Variants in THADA observed in about 807,000 individuals in gnomAD.
The protein encoded by THADA is tRNA (32-2'-O)-methyltransferase regulator THADA.
A neutral mutation model predicts 219.8 loss-of-function variants in THADA; 213 were observed. The observed-to-expected ratio is 0.97, with a 90% CI of 0.87 to 1.09. The LOEUF is 1.09. THADA is among the 50% of genes least tolerant of loss of function. The probability of loss-of-function intolerance (pLI) is 0.00; values close to 1 mark genes in which losing one functional copy is unlikely to be tolerated. For synonymous variants in THADA, 1,018 were observed against 828.9 expected (o/e 1.23, Z -3.92); for missense variants, 2,956 against 2,311.3 (o/e 1.28, Z -5.72).
chr2:43,295,475 C>G (rs1033519445), intron 31 of THADA, among the ~76,000 whole-genome samples: 4 of 152,212 alleles, frequency 2.6e-5, no homozygotes, highest in Admixed American at 1.3e-4. Flanking sequence ...GAACTTATGA[C>G]AGACTTCACC....
At chr2:43,561,877 G>A (rs542648806) in intron 15 of THADA, among the ~76,000 whole-genome samples, 1 of 152,296 alleles carries the variant, frequency 6.6e-6, no homozygotes, top group African/African-American at 2.4e-5. Context: ...GATGTTACCT[G>A]TGGTTGTGTT....
At chr2:43,550,703 T>C (rs1696646677) in intron 19 of THADA, among the ~76,000 whole-genome samples, 1 of 152,184 alleles carries the variant, frequency 6.6e-6, no homozygotes. Flanking sequence ...CTACCCACAG[T>C]AGGTAACAGA....
chr2:43,389,441 G>A (rs775937836), intron 29 of THADA, among the ~76,000 whole-genome samples: 8 of 152,172 alleles, frequency 5.3e-5, no homozygotes, highest in African/African-American at 1.4e-4. Context: ...GCACCATAGC[G>A]ATACCCTAGT....
chr2:43,592,351 C>T lies in THADA; in HGVS notation c.42G>A (p.Leu14=), dbSNP rs1481352222. The T allele has an allele frequency of 1.2e-6, 2 of 1,608,596 alleles. No homozygotes were observed. The highest frequency in any genetic ancestry group is 1.3e-5 in the African/African-American group (1 of 74,860). ...KKKKEMQVAA[L]TICHQDLETL... ...TTTCAAGGTCCTGATGGCAAATGGT[C>T]AGCGCAGCAACTTGCATTTCTTTCT... is the stretch of plus-strand genomic sequence containing the variant. Residue 14 remains leucine (L), a synonymous_variant, in exon 2 of 38, where the codon CTG becomes CTA. Coordinates refer to ENST00000405975, the MANE Select transcript of THADA (RefSeq NM_022065.5).
rs199689117 is a variant in THADA, at chr2:43,293,136, C to A, written c.4516G>T (p.Ala1506Ser). The A allele has an allele frequency of 5.0e-6, 8 of 1,613,978 alleles. No homozygotes were observed. The African/African-American group carries it at 1.1e-4, about 22-fold the overall frequency. Residue 1506 changes from alanine (A) to serine (S), a missense_variant, in exon 32 of 38, where the codon GCC becomes TCC. By Grantham distance (99) the Ala-to-Ser change is moderately conservative. Coordinates refer to ENST00000405975, the MANE Select transcript of THADA (RefSeq NM_022065.5). Reference protein sequence around the residue: ...GSELITGFPWAFKVPGLPQYL... With the variant: ...GSELITGFPWSFKVPGLPQYL... ...TGGGGCAGGCCTGGCACCTTGAAGGCCCAAGGGAATCCCGTTATCAGCTCT... is the reference window on the plus strand; with the variant it reads ...TGGGGCAGGCCTGGCACCTTGAAGGACCAAGGGAATCCCGTTATCAGCTCT...
At chr2:43,578,134 C>G (rs1700047998) in intron 9 of THADA, among the ~76,000 whole-genome samples, 1 of 151,456 alleles carries the variant, frequency 6.6e-6, no homozygotes, top group South Asian at 2.1e-4. Context: ...TTTTAATTCA[C>G]TTCTTTAAAA....
chr2:43,243,476 C>A (rs890309178), intron 36 of THADA, among the ~76,000 whole-genome samples: 2 of 152,142 alleles, frequency 1.3e-5, no homozygotes, highest in African/African-American at 4.8e-5. Context: ...CTCACACAAC[C>A]GCAAACAGTC....
rs1431534932 is a variant in THADA, at chr2:43,541,282, C to G, written c.3141G>C (p.Gln1047His). 6.2e-7 allele frequency: 1 copy of G among 1,613,430 alleles called. No individual in the cohort carries two copies. The highest frequency in any genetic ancestry group is 2.2e-5 in the East Asian group (1 of 44,852). ...TTCTCCAACAACATACCAGCACCAT[C>G]TGCGCAGTTACATCACATGTTTTTA... Reference protein sequence around the residue: ...KEVKTCDVTAQMVLVCCWRSM... With the variant: ...KEVKTCDVTAHMVLVCCWRSM... Residue 1047 changes from glutamine (Q) to histidine (H), a missense_variant, in exon 21 of 38, where the codon CAG becomes CAC. Coordinates refer to ENST00000405975, the MANE Select transcript of THADA (RefSeq NM_022065.5).
chr2:43,310,289 A>C (rs1473939323), intron 31 of THADA, among the ~76,000 whole-genome samples: 1 of 148,212 alleles, frequency 6.7e-6, no homozygotes, highest in Non-Finnish European at 1.5e-5. Flanking sequence ...CAGAATAGGC[A>C]AAGCAATGTT....
chr2:43,312,889 T>A (rs1677669622), intron 31 of THADA, among the ~76,000 whole-genome samples: 1 of 152,168 alleles, frequency 6.6e-6, no homozygotes, highest in South Asian at 2.1e-4. Flanking sequence ...CCAACACTGA[T>A]AAAGTGCATG....
intron 26 of THADA, among the ~76,000 whole-genome samples, chr2:43,450,759 A>C (rs1682210925): frequency 6.6e-6 from 1 of 152,370 alleles, no homozygotes; most frequent in East Asian, 1.9e-4. Context: ...TAGGGACACA[A>C]ATAGATTAAA....
At chr2:43,331,952 G>A (rs1481856914) in intron 30 of THADA, among the ~76,000 whole-genome samples, 1 of 98,222 alleles carries the variant, frequency 1.0e-5, no homozygotes, top group African/African-American at 4.7e-5. Context: ...CACACATTAG[G>A]TTCCCACAAT....
intron 28 of THADA, among the ~76,000 whole-genome samples, chr2:43,401,801 G>T (rs1197765589): frequency 6.6e-6 from 1 of 152,186 alleles, no homozygotes; most frequent in African/African-American, 2.4e-5. Context: ...GGCAGACTGT[G>T]ATCCAGAGCT....
intron 31 of THADA, among the ~76,000 whole-genome samples, chr2:43,314,419 T>C (rs556880744): frequency 1.3e-5 from 2 of 152,320 alleles, no homozygotes; most frequent in Non-Finnish European, 2.9e-5. Context: ...GGTAGGTATT[T>C]GTTTAAATAC....
rs544003372 is a variant in THADA at position 43,502,109 on chromosome 2, T to C, written c.3622-3154A>G. Among the ~76,000 whole-genome samples, 62 of 151,338 alleles carry C rather than the reference T, an allele frequency of 4.1e-4. 2 individuals carry two copies. The South Asian group carries it at 7.5e-3, about 18-fold the overall frequency. On this transcript the variant is annotated intron_variant, in intron 24 of 37. Coordinates refer to ENST00000405975, the MANE Select transcript of THADA (RefSeq NM_022065.5). ...AATGTCTCTGTATTAGTTATCCAAA[T>C]GGCAAACATTAAATTATTTTATTTT...
intron 29 of THADA, 115 bp from the exon 30 acceptor site, chr2:43,344,352 A>G (rs774613567): frequency 5.9e-6 from 4 of 682,284 alleles, no homozygotes; most frequent in Non-Finnish European, 9.8e-6. Flanking sequence ...AGACACCTGC[A>G]GAATGTAGCT....
At chr2:43,512,486 TTTTG>T (rs955046307) in intron 22 of THADA, among the ~76,000 whole-genome samples, 13 of 152,288 alleles carry the variant, frequency 8.5e-5, no homozygotes, top group South Asian at 2.1e-4. Flanking sequence ...CTTACAAGTT[TTTTG>T]TTTGTTTGTT....
chr2:43,570,661 A>T (rs1699192394), intron 13 of THADA, 151 bp from the exon 14 acceptor site: 1 of 848,414 alleles, frequency 1.2e-6, no homozygotes, highest in Admixed American at 3.5e-5. Context: ...TTTGACAGAA[A>T]ATAATTTTTA....
Position 43,527,820 on chromosome 2 carries a change from A to G in THADA, c.3374+59T>C. 4.2e-6 allele frequency: 5 copies of G among 1,198,542 alleles called. No homozygotes were observed. The South Asian group carries it at 5.3e-5, about 13-fold the overall frequency. 74.2% of individuals were successfully genotyped at this position (1,198,542 alleles called of 1,614,324 possible). A position where few individuals can be genotyped will look rare whatever the true frequency, so the allele number is the denominator to read the frequency against. ...AAAGACACAACTAAATTCTACTCCA[A>G]GCATATGCTTTGTATATTTAGTCTT... On this transcript the variant is annotated intron_variant, in intron 22 of 37. Transcript: ENST00000405975.
Sources: allele counts gnomAD v4.1 joint callset (sites outside exome capture counted in the v4.1 genomes callset), GRCh38; gene constraint gnomAD v4.1.1; transcripts MANE v1.5; gene names NCBI Gene and HGNC (gene_info 2026-07-23, HGNC 2026-07-21).